Variants in PSPC1 observed in about 807,000 individuals in gnomAD.
PSPC1 encodes the protein paraspeckle component 1.
Under a neutral mutation model 51.6 loss-of-function variants are expected in PSPC1, and 14 were observed. The ratio of observed to expected loss-of-function variants is 0.27; its 90% CI spans 0.18 to 0.42. PSPC1 has a LOEUF of 0.42. Ranked by LOEUF, PSPC1 falls within the 10% of genes least tolerant of loss-of-function variation. PSPC1 has a pLI of 1.00. For missense variants in PSPC1, 406 were observed against 701.1 expected (o/e 0.58, Z 4.75); for synonymous variants, 193 against 231.9 (o/e 0.83, Z 1.53).
intron 3 of PSPC1, 69 bp downstream of exon 3, chr13:19,759,237 AACACCTCATAATCCAAT>A: frequency 3.0e-6 from 3 of 1,009,528 alleles, no homozygotes; most frequent in Non-Finnish European, 4.6e-6. Context: ...AAATAAACAG[AACACCTCATAATCCAAT>A]ATTTGAAAAC....
chr13:19,756,730 C>T (rs937789862), intron 3 of PSPC1, among the ~76,000 whole-genome samples: 3 of 151,870 alleles, frequency 2.0e-5, no homozygotes, highest in East Asian at 3.9e-4. Context: ...CTCCTGACCT[C>T]GTGATCTGCC....
chr13:19,681,708 G>A (rs554755478), intron 6 of PSPC1, among the ~76,000 whole-genome samples: 5 of 152,162 alleles, frequency 3.3e-5, no homozygotes, highest in African/African-American at 1.2e-4. Context: ...TTTTGGTGGG[G>A]TAGGGATTTC....
chr13:19,721,181 G>GT (rs1461760717), intron 6 of PSPC1, among the ~76,000 whole-genome samples: 1 of 152,156 alleles, frequency 6.6e-6, no homozygotes, highest in Non-Finnish European at 1.5e-5. Flanking sequence ...AACAAGCACT[G>GT]TAAGGTGGCT....
intron 6 of PSPC1, among the ~76,000 whole-genome samples, chr13:19,696,235 C>T (rs1017029329): frequency 1.1e-4 from 16 of 152,046 alleles, no homozygotes; most frequent in Admixed American, 3.9e-4. Flanking sequence ...AGGTGATATC[C>T]GGATTACAAT....
chr13:19,671,891 T>A, downstream of PSPC1: 1 of 1,613,168 alleles, frequency 6.2e-7, no homozygotes, highest in Non-Finnish European at 8.5e-7. Context: ...CAGAAGGGAC[T>A]GGGCGGAGTT....
chr13:19,716,769 T>C (rs1198744694), intron 6 of PSPC1, among the ~76,000 whole-genome samples: 2 of 152,190 alleles, frequency 1.3e-5, no homozygotes, highest in African/African-American at 2.4e-5. Flanking sequence ...TAAAAAAAAC[T>C]ATATTTAGCA....
intron 5 of PSPC1, among the ~76,000 whole-genome samples, chr13:19,740,663 T>C (rs1461729707): frequency 3.3e-5 from 5 of 152,170 alleles, no homozygotes; most frequent in African/African-American, 9.7e-5. Context: ...TTTGAACCTT[T>C]GAAGAGTAAT....
intron 5 of PSPC1, among the ~76,000 whole-genome samples, chr13:19,730,968 A>AC (rs929694438): frequency 6.3e-5 from 9 of 141,888 alleles, no homozygotes; most frequent in South Asian, 4.3e-4. Context: ...AAAAAAACAA[A>AC]AAAAAAAAAA....
At chr13:19,686,431 C>CCTT (rs1280660146) in intron 6 of PSPC1, among the ~76,000 whole-genome samples, 1 of 152,084 alleles carries the variant, frequency 6.6e-6, no homozygotes, top group Non-Finnish European at 1.5e-5. Context: ...GTCTAAAAGG[C>CCTT]CTTCTGTGGA....
chr13:19,778,371 C>T (rs1381530943), intron 1 of PSPC1, among the ~76,000 whole-genome samples: 1 of 54,314 alleles, frequency 1.8e-5, no homozygotes, highest in African/African-American at 9.4e-5. Flanking sequence ...CTCTCCCCCT[C>T]CCCCTCCCCC....
intron 6 of PSPC1, among the ~76,000 whole-genome samples, chr13:19,680,698 C>T (rs998157563): frequency 6.6e-6 from 1 of 152,200 alleles, no homozygotes; most frequent in Non-Finnish European, 1.5e-5. Flanking sequence ...ATGACACCAT[C>T]TTGAACACAG....
intron 2 of PSPC1, among the ~76,000 whole-genome samples, chr13:19,769,565 C>T (rs1888424885): frequency 1.3e-5 from 2 of 148,208 alleles, no homozygotes; most frequent in South Asian, 2.1e-4. Context: ...AAAAAAACCC[C>T]GTCTTACTAA....
At chr13:19,771,425 A>T (rs911471805) in intron 2 of PSPC1, among the ~76,000 whole-genome samples, 10 of 152,026 alleles carry the variant, frequency 6.6e-5, no homozygotes, top group African/African-American at 2.4e-4. Flanking sequence ...GGCATAAGCC[A>T]CCGCGCCTGG....
At chr13:19,671,967 A>G, downstream of PSPC1, 1 of 1,346,154 alleles carries the variant, frequency 7.4e-7, no homozygotes, top group Non-Finnish European at 1.1e-6. Flanking sequence ...CATCTATGTA[A>G]AGTTTTGTCT....
chr13:19,699,617 A>G (rs990463555), downstream of PSPC1, among the ~76,000 whole-genome samples: 4 of 152,042 alleles, frequency 2.6e-5, no homozygotes. Context: ...AATCTTCATC[A>G]GTATGAAATT....
chr13:19,739,881 A>C (rs1885253452), intron 5 of PSPC1, among the ~76,000 whole-genome samples: 1 of 151,530 alleles, frequency 6.6e-6, no homozygotes, highest in Non-Finnish European at 1.5e-5. Flanking sequence ...AAAAAAAAAA[A>C]CAGTAGTTCT....
At chr13:19,716,124 C>G (rs529718549) in intron 6 of PSPC1, among the ~76,000 whole-genome samples, 49 of 152,272 alleles carry the variant, frequency 3.2e-4, no homozygotes, top group African/African-American at 1.2e-3. Context: ...GGATCTGGGT[C>G]CCATCCCCAA....
Position 19,711,639 on chromosome 13 carries a change from TAA to T in PSPC1, c.1159-2042_1159-2041del, listed in dbSNP as rs143917566. Among the ~76,000 whole-genome samples, 488 of 80,928 alleles carry T rather than the reference TAA, an allele frequency of 6.0e-3. 2 individuals carry two copies. The highest frequency in any genetic ancestry group is 0.017 in the Middle Eastern group (2 of 116). 53.1% of individuals were successfully genotyped at this position (80,928 alleles called of 152,430 possible). ...GGCAACAAAGAGAGACTCCGTCTCATAAAAAAAAAAAAAAAAAAAAAAGAAAC... is the reference window on the plus strand; with the variant it reads ...GGCAACAAAGAGAGACTCCGTCTCATAAAAAAAAAAAAAAAAAAAAGAAAC... On this transcript the variant is annotated intron_variant, in intron 6 of 8. Transcript: ENST00000338910.
chr13:19,715,184 C>T (rs1045609276), intron 6 of PSPC1, among the ~76,000 whole-genome samples: 2 of 152,002 alleles, frequency 1.3e-5, no homozygotes, highest in East Asian at 1.9e-4. Context: ...AGGACTTTGG[C>T]ACCCTCAATA....
Sources: allele counts gnomAD v4.1 joint callset (sites outside exome capture counted in the v4.1 genomes callset), GRCh38; gene constraint gnomAD v4.1.1; transcripts MANE v1.5; gene names NCBI Gene and HGNC (gene_info 2026-07-23, HGNC 2026-07-21).